Variants in PDE4D observed in about 807,000 individuals in gnomAD.
The protein encoded by PDE4D is phosphodiesterase 4D, also known as 3',5'-cyclic-AMP phosphodiesterase 4D.
PDE4D carries 24 observed loss-of-function variants against 87.4 expected under a neutral mutation model. That is an observed-to-expected ratio of 0.27 (90% CI 0.20 to 0.39). PDE4D has a LOEUF of 0.39. Ranked by LOEUF, PDE4D falls within the 10% of genes least tolerant of loss-of-function variation. The probability of loss-of-function intolerance (pLI) is 1.00; values close to 1 mark genes in which losing one functional copy is unlikely to be tolerated. For missense variants in PDE4D, 714 were observed against 1,041.0 expected (o/e 0.69, Z 4.32); for synonymous variants, 384 against 383.2 (o/e 1.00, Z -0.02).
chr5:59,529,530 C>G (rs1361225471), intron 1 of PDE4D, among the ~76,000 whole-genome samples: 1 of 152,178 alleles, frequency 6.6e-6, no homozygotes, highest in African/African-American at 2.4e-5. Context: ...AGAGTCACAT[C>G]ATAGCTGTGT....
intron 1 of PDE4D, among the ~76,000 whole-genome samples, chr5:59,398,353 C>A (rs1231734603): frequency 7.1e-6 from 1 of 140,584 alleles, no homozygotes; most frequent in Non-Finnish European, 1.5e-5. Flanking sequence ...CAAACCAAAT[C>A]CAGCAGCACA....
At position 60,432,079 on chromosome 5, in the gene PDE4D, A is replaced by C. The variant is rs1257206121; in HGVS notation, c.-90+55863T>G. 4.2e-5 allele frequency among the ~76,000 whole-genome samples: 6 copies of C among 144,238 alleles called. No homozygotes were observed. The East Asian group carries it at 1.2e-3, about 29-fold the overall frequency. 94.6% of individuals were successfully genotyped at this position (144,238 alleles called of 152,430 possible). On this transcript the variant is annotated intron_variant, in intron 1 of 16. Transcript: ENST00000502484. ...AGACCGTGGAAAGAGAGGGAGACGG[A>C]GACCGTGGGGAGAAGGAGAGGGAGA...
At chr5:59,153,290 G>C (rs187136807) in intron 5 of PDE4D, among the ~76,000 whole-genome samples, 1 of 152,248 alleles carries the variant, frequency 6.6e-6, no homozygotes, top group East Asian at 1.9e-4. Flanking sequence ...ATGCTACTCG[G>C]ACACACCAAA....
chr5:59,772,974 T>A (rs960984426), intron 1 of PDE4D, among the ~76,000 whole-genome samples: 3 of 152,178 alleles, frequency 2.0e-5, no homozygotes, highest in African/African-American at 7.2e-5. Flanking sequence ...ATGAGGATGA[T>A]GATGATAGTA....
intron 2 of PDE4D, among the ~76,000 whole-genome samples, chr5:60,060,638 G>C (rs535943728): frequency 1.8e-4 from 27 of 152,096 alleles, no homozygotes; most frequent in African/African-American, 6.0e-4. Flanking sequence ...CCTAGGTCTG[G>C]GGCTAACACT....
At chr5:59,066,427 C>A (rs1763945785) in intron 5 of PDE4D, among the ~76,000 whole-genome samples, 1 of 152,088 alleles carries the variant, frequency 6.6e-6, no homozygotes, top group Non-Finnish European at 1.5e-5. Context: ...AGAATAACAT[C>A]AGCAAAGGTG....
intron 1 of PDE4D, among the ~76,000 whole-genome samples, chr5:59,225,829 A>C (rs911427173): frequency 1.9e-4 from 29 of 151,950 alleles, no homozygotes; most frequent in African/African-American, 4.8e-5. Flanking sequence ...GAAACCCCTC[A>C]AAATTAAAAA....
intron 1 of PDE4D, among the ~76,000 whole-genome samples, chr5:59,292,055 A>T (rs912568382): frequency 6.6e-6 from 1 of 152,106 alleles, no homozygotes; most frequent in African/African-American, 2.4e-5. Flanking sequence ...ATAAGCAAAA[A>T]GAGATCATGC....
intron 3 of PDE4D, among the ~76,000 whole-genome samples, chr5:59,907,862 C>T (rs1753008855): frequency 6.6e-6 from 1 of 151,972 alleles, no homozygotes; most frequent in Non-Finnish European, 1.5e-5. Flanking sequence ...CAAACATGCC[C>T]ACCACAAATT....
intron 1 of PDE4D, among the ~76,000 whole-genome samples, chr5:59,348,562 T>C (rs1348917082): frequency 6.6e-6 from 1 of 152,062 alleles, no homozygotes; most frequent in Non-Finnish European, 1.5e-5. Context: ...GGTTTTGTTT[T>C]TATAGAGTTT....
intron 1 of PDE4D, among the ~76,000 whole-genome samples, chr5:59,470,693 A>C (rs1802308514): frequency 6.6e-6 from 1 of 152,168 alleles, no homozygotes; most frequent in Non-Finnish European, 1.5e-5. Context: ...AAATATTTTA[A>C]TTAATTTATA....
At chr5:59,256,922 A>G (rs1021034041) in intron 1 of PDE4D, among the ~76,000 whole-genome samples, 4 of 152,090 alleles carry the variant, frequency 2.6e-5, no homozygotes, top group Admixed American at 1.3e-4. Context: ...AGAGCAACAC[A>G]AGTAGCTTCT....
intron 1 of PDE4D, among the ~76,000 whole-genome samples, chr5:59,891,860 A>T (rs1489434875): frequency 1.3e-5 from 2 of 152,110 alleles, no homozygotes; most frequent in African/African-American, 2.4e-5. Flanking sequence ...AGTCCAACCT[A>T]CTGTCAATCA....
intron 1 of PDE4D, among the ~76,000 whole-genome samples, chr5:59,230,569 T>C (rs904655380): frequency 2.0e-5 from 3 of 152,230 alleles, no homozygotes; most frequent in South Asian, 2.1e-4. Context: ...GTATGTTAAA[T>C]AAGTCTAGGT....
chr5:59,061,278 A>G (rs922972562), intron 5 of PDE4D, among the ~76,000 whole-genome samples: 1 of 152,152 alleles, frequency 6.6e-6, no homozygotes, highest in Admixed American at 6.6e-5. Context: ...ATCAAATGAC[A>G]TATTGCAGTC....
chr5:59,941,408 G>A (rs1386418791), intron 3 of PDE4D, among the ~76,000 whole-genome samples: 3 of 152,094 alleles, frequency 2.0e-5, no homozygotes, highest in African/African-American at 4.8e-5. Flanking sequence ...CGAAGTCAGG[G>A]CTCCTCCCAG....
intron 1 of PDE4D, among the ~76,000 whole-genome samples, chr5:59,573,306 C>T (rs1425216193): frequency 1.3e-5 from 2 of 152,158 alleles, no homozygotes; most frequent in African/African-American, 4.8e-5. Flanking sequence ...GCCAACACAA[C>T]ACAGCTCATT....
At chr5:60,013,654 G>A (rs1765233563) in intron 2 of PDE4D, among the ~76,000 whole-genome samples, 1 of 152,186 alleles carries the variant, frequency 6.6e-6, no homozygotes, top group Admixed American at 6.5e-5. Flanking sequence ...ACTACTCTGT[G>A]TGAGAGATTG....
intron 5 of PDE4D, chr5:59,174,419 C>T (rs1783497587): frequency 6.6e-6 from 1 of 152,612 alleles, no homozygotes; most frequent in Non-Finnish European, 1.5e-5. Context: ...GTCACTGCAT[C>T]ATGTGTCTCC....
Sources: gnomAD v4.1 joint callset for allele counts (sites outside exome capture counted in the v4.1 genomes callset) on GRCh38, gnomAD v4.1.1 for gene constraint, MANE v1.5 for transcripts, NCBI Gene and HGNC (gene_info 2026-07-23, HGNC 2026-07-21) for gene names.